NOS1AP: variants seen among roughly 807,000 people sequenced by gnomAD.
The protein encoded by NOS1AP is carboxyl-terminal PDZ ligand of neuronal nitric oxide synthase protein.
Under a neutral mutation model 56.2 loss-of-function variants are expected in NOS1AP, and 21 were observed. The ratio of observed to expected loss-of-function variants is 0.37; its 90% CI spans 0.26 to 0.54. The LOEUF is 0.54. NOS1AP is among the 20% of genes least tolerant of loss of function. The pLI is 0.84. For missense variants in NOS1AP, 522 were observed against 657.8 expected, an observed-to-expected ratio of 0.79 and a Z score of 2.26; for synonymous variants, 270 against 274.6, an observed-to-expected ratio of 0.98 and a Z score of 0.17.
intron 6 of NOS1AP, among the ~76,000 whole-genome samples, chr1:162,350,521 C>A (rs1657458056): frequency 6.6e-6 from 1 of 152,238 alleles, no homozygotes; most frequent in Non-Finnish European, 1.5e-5. Flanking sequence ...TTCTCTGACT[C>A]CTTCTGGAGA....
chr1:162,359,726 G>T (rs1418204304), intron 8 of NOS1AP, among the ~76,000 whole-genome samples: 2 of 151,264 alleles, frequency 1.3e-5, no homozygotes, highest in Non-Finnish European at 2.9e-5. Context: ...ACGCGGGGGG[G>T]GGCTGATTTC....
chr1:162,349,135 C>A (rs1043444315), intron 6 of NOS1AP, among the ~76,000 whole-genome samples: 1 of 151,256 alleles, frequency 6.6e-6, no homozygotes, highest in African/African-American at 2.4e-5. Flanking sequence ...TGTGGTGAGC[C>A]GAGATCGCAC....
In NOS1AP at chr1:162,089,385, A is replaced by G. The variant is rs574420522; in HGVS notation, c.105+19103A>G. Among the ~76,000 whole-genome samples the G allele has an allele frequency of 2.2e-3, 328 of 152,352 alleles. 2 individuals carry two copies. Among genetic ancestry groups the G allele is most frequent in the African/African-American group, 7.7e-3 (320 of 41,586 alleles). ...CAATTAGGAATCTCAGAATAGTAGT[A>G]CAAACACCAGCACCAATTATGATTA... On this transcript the variant is annotated intron_variant, in intron 1 of 9. Coordinates refer to ENST00000361897, the MANE Select transcript of NOS1AP (RefSeq NM_014697.3).
intron 4 of NOS1AP, among the ~76,000 whole-genome samples, chr1:162,332,522 G>C (rs1656805372): frequency 6.6e-6 from 1 of 152,158 alleles, no homozygotes; most frequent in Non-Finnish European, 1.5e-5. Flanking sequence ...TCCAGGCAGA[G>C]AGGGGACAGA....
At chr1:162,306,957 T>C (rs1655853186) in intron 4 of NOS1AP, among the ~76,000 whole-genome samples, 1 of 113,944 alleles carries the variant, frequency 8.8e-6, no homozygotes, top group Non-Finnish European at 1.9e-5. Context: ...AGTGAGACTT[T>C]TGTCTCAAAA....
In NOS1AP at chr1:162,323,497, A is replaced by C. The variant is rs183447697; in HGVS notation, c.345-9520A>C. 3.3e-4 allele frequency among the ~76,000 whole-genome samples: 50 copies of C among 152,352 alleles called. No individual in the cohort carries two copies. The South Asian group carries it at 9.9e-3, about 30-fold the overall frequency. ...ACAGGGGTTACCTCTCTGTTTCTTC[A>C]TCTGTAAAATGGAGATAATAACTGT... is the stretch of plus-strand genomic sequence containing the variant. On this transcript the variant is annotated intron_variant, in intron 4 of 9. Coordinates refer to ENST00000361897, the MANE Select transcript of NOS1AP (RefSeq NM_014697.3).
intron 2 of NOS1AP, among the ~76,000 whole-genome samples, chr1:162,177,630 A>G (rs1193979222): frequency 6.6e-6 from 1 of 152,208 alleles, no homozygotes; most frequent in Non-Finnish European, 1.5e-5. Flanking sequence ...TGAAGTTTAT[A>G]TTAATTTATT....
chr1:162,153,169 C>T (rs1649789198), intron 1 of NOS1AP, among the ~76,000 whole-genome samples: 1 of 152,210 alleles, frequency 6.6e-6, no homozygotes, highest in African/African-American at 2.4e-5. Context: ...CAGTCCATCA[C>T]CTGGGCTAGA....
chr1:162,071,059 C>G (rs1024018367), intron 1 of NOS1AP, among the ~76,000 whole-genome samples: 34 of 152,136 alleles, frequency 2.2e-4, no homozygotes, highest in African/African-American at 7.7e-4. Flanking sequence ...TGATGCACCT[C>G]CCTGAGTGAG....
chr1:162,357,202 C>A (rs551305609), intron 8 of NOS1AP, 66 bp downstream of exon 8: 7 of 1,570,110 alleles, frequency 4.5e-6, no homozygotes, highest in East Asian at 2.3e-5. Context: ...CCTTCCCTAG[C>A]GAGGGGCTCA....
At chr1:162,092,277 C>T (rs1164342649) in intron 1 of NOS1AP, among the ~76,000 whole-genome samples, 1 of 152,122 alleles carries the variant, frequency 6.6e-6, no homozygotes, top group Non-Finnish European at 1.5e-5. Context: ...AGTGGATTTT[C>T]TTAAGATACA....
At chr1:162,339,401 TA>T (rs5778267) in intron 5 of NOS1AP, among the ~76,000 whole-genome samples, 31,946 of 149,678 alleles carry the variant, frequency 0.21, 3,919 homozygotes, top group South Asian at 0.33. Context: ...ATGCTTTTTT[TA>T]AAAAAAAAAA....
intron 2 of NOS1AP, among the ~76,000 whole-genome samples, chr1:162,184,747 G>A (rs1206589752): frequency 6.6e-6 from 1 of 152,212 alleles, no homozygotes; most frequent in Middle Eastern, 3.2e-3. Context: ...TTTTCCAGTA[G>A]TTCCCCTGAG....
At chr1:162,230,892 A>G (rs763900213) in intron 2 of NOS1AP, among the ~76,000 whole-genome samples, 3 of 152,198 alleles carry the variant, frequency 2.0e-5, no homozygotes, top group Non-Finnish European at 4.4e-5. Flanking sequence ...TTCATATGTC[A>G]ATGGATTGGC....
chr1:162,305,941 A>C (rs1215803860), intron 4 of NOS1AP, among the ~76,000 whole-genome samples: 2 of 152,244 alleles, frequency 1.3e-5, no homozygotes, highest in Non-Finnish European at 2.9e-5. Context: ...ATGTTCAATT[A>C]AATGTAATTG....
intron 9 of NOS1AP, 131 bp from the exon 10 acceptor site, chr1:162,366,921 A>G (rs1658104814): frequency 2.9e-6 from 3 of 1,017,584 alleles, no homozygotes; most frequent in Non-Finnish European, 4.7e-6. Flanking sequence ...AAGAGACCCA[A>G]AGCCCGGAGA....
chr1:162,183,948 C>T (rs756209869), intron 2 of NOS1AP, among the ~76,000 whole-genome samples: 6 of 152,216 alleles, frequency 3.9e-5, no homozygotes, highest in Non-Finnish European at 5.9e-5. Flanking sequence ...GCATTCACAT[C>T]TTGGCTAACT....
At chr1:162,356,752 C>T (rs756114589) in intron 7 of NOS1AP, among the ~76,000 whole-genome samples, 3 of 152,184 alleles carry the variant, frequency 2.0e-5, no homozygotes, top group Non-Finnish European at 4.4e-5. Flanking sequence ...AGTCCCCCTA[C>T]GATTTTCTGA....
intron 2 of NOS1AP, among the ~76,000 whole-genome samples, chr1:162,187,696 T>C (rs1651487704): frequency 2.0e-5 from 3 of 152,092 alleles, no homozygotes. Flanking sequence ...GAGTAGAAGA[T>C]GTTGGAGATA....
Sources: allele counts gnomAD v4.1 joint callset (sites outside exome capture counted in the v4.1 genomes callset), GRCh38; gene constraint gnomAD v4.1.1; transcripts MANE v1.5; gene names NCBI Gene and HGNC (gene_info 2026-07-23, HGNC 2026-07-21).